PEAK1: variants seen among roughly 807,000 people sequenced by gnomAD.
The protein encoded by PEAK1 is inactive tyrosine-protein kinase PEAK1.
In PEAK1, 54 loss-of-function variants were observed where a neutral mutation model predicts 124.7. That is an observed-to-expected ratio of 0.43 (90% CI 0.35 to 0.54). PEAK1 has a LOEUF of 0.54. Ranked by LOEUF, PEAK1 falls within the 20% of genes least tolerant of loss-of-function variation. The pLI is 0.01. For synonymous variants in PEAK1, 719 were observed against 760.0 expected (o/e 0.95, Z 0.89); for missense variants, 2,046 against 2,134.5 (o/e 0.96, Z 0.82).
intron 1 of PEAK1, among the ~76,000 whole-genome samples, chr15:77,411,863 C>T (rs191981980): frequency 1.3e-5 from 2 of 152,280 alleles, no homozygotes; most frequent in Non-Finnish European, 2.9e-5. Flanking sequence ...CCTCCCGCCT[C>T]ATCCTCCAAA....
intron 4 of PEAK1, 60 bp from the exon 5 acceptor site, chr15:77,284,090 A>G: frequency 5.6e-6 from 5 of 894,092 alleles, no homozygotes; most frequent in Non-Finnish European, 6.7e-6. Context: ...AGTCTAGCCC[A>G]GCTATATGAC....
intron 2 of PEAK1, among the ~76,000 whole-genome samples, chr15:77,317,541 C>T (rs367660214): frequency 1.3e-5 from 2 of 152,086 alleles, no homozygotes; most frequent in South Asian, 2.1e-4. Flanking sequence ...AGGGAGACAA[C>T]CTTTGGCCAC....
chr15:77,150,082 T>C (rs904652163), intron 8 of PEAK1, among the ~76,000 whole-genome samples: 5 of 152,120 alleles, frequency 3.3e-5, no homozygotes, highest in Non-Finnish European at 7.4e-5. Flanking sequence ...AGGCAACAGG[T>C]AGAGAGAAAG....
At chr15:77,326,892 C>T (rs934692567) in intron 2 of PEAK1, among the ~76,000 whole-genome samples, 24 of 152,092 alleles carry the variant, frequency 1.6e-4, no homozygotes, top group African/African-American at 5.5e-4. Flanking sequence ...TATTTAAAAT[C>T]TTCAGAAATT....
intron 1 of PEAK1, chr15:77,402,037 A>G: frequency 2.7e-6 from 2 of 748,650 alleles, no homozygotes; most frequent in Non-Finnish European, 3.3e-6. Context: ...CAGCTCTACT[A>G]AAAATACAAA....
At chr15:77,177,057 A>C (rs2056925779) in intron 7 of PEAK1, among the ~76,000 whole-genome samples, 1 of 152,108 alleles carries the variant, frequency 6.6e-6, no homozygotes, top group Admixed American at 6.5e-5. Flanking sequence ...TCCCGGTTCA[A>C]GTGATTCTCT....
At position 77,195,457 on chromosome 15, in the gene PEAK1, G is replaced by A. The variant is rs2058054915; in HGVS notation, c.-114-13417C>T. 2.0e-5 allele frequency among the ~76,000 whole-genome samples: 3 copies of A among 152,254 alleles called. No individual in the cohort carries two copies. In the South Asian group the frequency reaches 6.2e-4, roughly 32 times the overall value. On this transcript the variant is annotated intron_variant, in intron 6 of 9. Coordinates refer to ENST00000682557, the MANE Select transcript of PEAK1 (RefSeq NM_001385026.1). ...GAAATGAACCCAAAATAAATAAAAG[G>A]TAGGAGGACAATCAAGACAAGTGAG... is the stretch of plus-strand genomic sequence containing the variant.
intron 1 of PEAK1, chr15:77,418,814 C>T (rs2073101543): frequency 1.0e-6 from 1 of 985,336 alleles, no homozygotes; most frequent in Non-Finnish European, 1.2e-6. Flanking sequence ...CACTACATCA[C>T]TTCATTTATC....
intron 6 of PEAK1, among the ~76,000 whole-genome samples, chr15:77,250,312 T>C (rs2060820704): frequency 6.7e-6 from 1 of 150,294 alleles, no homozygotes; most frequent in Non-Finnish European, 1.5e-5. Flanking sequence ...AGTGGCATGA[T>C]CTTGGCTCAC....
At chr15:77,401,033 T>G (rs1018572041) in intron 1 of PEAK1, among the ~76,000 whole-genome samples, 3 of 152,166 alleles carry the variant, frequency 2.0e-5, no homozygotes, top group Non-Finnish European at 2.9e-5. Flanking sequence ...ACAAAACATT[T>G]AGAGCCAACA....
At chr15:77,320,344 C>G (rs2065122772) in intron 2 of PEAK1, among the ~76,000 whole-genome samples, 1 of 152,150 alleles carries the variant, frequency 6.6e-6, no homozygotes, top group Non-Finnish European at 1.5e-5. Context: ...GAATAAAACA[C>G]TCTATCTCAT....
intron 6 of PEAK1, among the ~76,000 whole-genome samples, chr15:77,235,798 C>G (rs2060095247): frequency 6.6e-6 from 1 of 152,208 alleles, no homozygotes; most frequent in African/African-American, 2.4e-5. Context: ...GCCCAAGGTC[C>G]CCCCTGCTCT....
chr15:77,187,928 C>T (rs975357446), intron 6 of PEAK1, among the ~76,000 whole-genome samples: 5 of 152,188 alleles, frequency 3.3e-5, no homozygotes, highest in African/African-American at 9.7e-5. Context: ...ACCATACCCA[C>T]GTCACTGTTC....
In PEAK1 at chr15:77,178,945, G is replaced by A; in HGVS notation, c.2982C>T (p.Asp994=). 4 of 1,614,060 alleles carry A rather than the reference G, an allele frequency of 2.5e-6. No homozygotes were observed. The highest frequency in any genetic ancestry group is 3.4e-6 in the Non-Finnish European group (4 of 1,179,996). The change falls in exon 7 of 10, where the codon GAC becomes GAT. Residue 994 remains aspartate (D), a synonymous_variant. Transcript: ENST00000682557. ...KPAIVFMYRC[D]PAQGQLSVDQ... The stretch of plus-strand genomic sequence containing the variant: ...CCACACTGAGCTGGCCTTGAGCAGG[G>A]TCGCACCTGTACATGAAGACAATGG...
At chr15:77,307,639 C>T (rs1307195439) in intron 2 of PEAK1, among the ~76,000 whole-genome samples, 1 of 152,022 alleles carries the variant, frequency 6.6e-6, no homozygotes, top group Non-Finnish European at 1.5e-5. Flanking sequence ...TCCTCTCTAT[C>T]AAGGCATTTC....
chr15:77,161,823 G>A (rs1193776793), intron 7 of PEAK1, among the ~76,000 whole-genome samples: 18 of 151,878 alleles, frequency 1.2e-4, no homozygotes, highest in Non-Finnish European at 2.2e-4. Flanking sequence ...AAAATTAGCC[G>A]GGTGTGGTGG....
downstream of PEAK1, chr15:77,103,443 T>C (rs1299330314): frequency 6.6e-6 from 1 of 152,266 alleles, no homozygotes; most frequent in African/African-American, 2.4e-5. Context: ...ATGATATATA[T>C]TGTTAAGTAA....
At chr15:77,184,458 C>T (rs1316328251) in intron 6 of PEAK1, among the ~76,000 whole-genome samples, 2 of 152,158 alleles carry the variant, frequency 1.3e-5, no homozygotes, top group Non-Finnish European at 2.9e-5. Flanking sequence ...CCAGCAATCC[C>T]ACTCCTAGGT....
intron 1 of PEAK1, chr15:77,402,675 G>C: frequency 1.0e-6 from 1 of 985,320 alleles, no homozygotes; most frequent in African/African-American, 1.7e-5. Flanking sequence ...GTATCGTTTA[G>C]TTAATGGTTC....
Sources: allele counts gnomAD v4.1 joint callset (sites outside exome capture counted in the v4.1 genomes callset), GRCh38; gene constraint gnomAD v4.1.1; transcripts MANE v1.5; gene names NCBI Gene and HGNC (gene_info 2026-07-23, HGNC 2026-07-21).